The following SH3PXD2B variants were observed in gnomAD, a reference collection of about 807,000 sequenced individuals.
The protein encoded by SH3PXD2B is SH3 and PX domains 2B, also known as SH3 and PX domain-containing protein 2B.
In SH3PXD2B, 37 loss-of-function variants were observed where a neutral mutation model predicts 73.1. That is an observed-to-expected ratio of 0.51 (90% confidence interval 0.39 to 0.67). The LOEUF (loss-of-function observed/expected upper bound fraction) is 0.67. SH3PXD2B is among the 30% of genes least tolerant of loss of function. The pLI, the probability that SH3PXD2B is intolerant of heterozygous loss-of-function variation, is 0.00. For missense variants in SH3PXD2B, 1,053 were observed against 1,197.8 expected, an observed-to-expected ratio of 0.88 and a Z score of 1.78; for synonymous variants, 457 against 480.5, an observed-to-expected ratio of 0.95 and a Z score of 0.64.
At chr5:172,427,672 G>C (rs1759128963) in intron 1 of SH3PXD2B, among the ~76,000 whole-genome samples, 1 of 152,034 alleles carries the variant, frequency 6.6e-6, no homozygotes, top group African/African-American at 2.4e-5. Context: ...TTTAATGGGT[G>C]CAGAGTTTCA....
At chr5:172,447,432 C>T (rs1759693733) in intron 1 of SH3PXD2B, among the ~76,000 whole-genome samples, 1 of 152,182 alleles carries the variant, frequency 6.6e-6, no homozygotes, top group African/African-American at 2.4e-5. Flanking sequence ...TACTGATGCA[C>T]TTTTAAGTAG....
downstream of SH3PXD2B, among the ~76,000 whole-genome samples, chr5:172,330,706 G>A (rs547059985): frequency 6.6e-6 from 1 of 152,242 alleles, no homozygotes. Context: ...TTATAGATTC[G>A]GGAACTTATG....
rs754432714 is a variant in SH3PXD2B at position 172,398,882 on chromosome 5, G to A, written c.233-4243C>T. Among the ~76,000 whole-genome samples, 11 of 152,108 alleles carry A rather than the reference G, an allele frequency of 7.2e-5. No individual in the cohort carries two copies. The East Asian group carries it at 7.7e-4, about 11-fold the overall frequency. On this transcript the variant is annotated intron_variant, in intron 3 of 12. Coordinates refer to ENST00000311601, the MANE Select transcript of SH3PXD2B (RefSeq NM_001017995.3). ...AATTCCAGTTATCTAGAGTACAGCC[G>A]TTTCAGCCTTTTCAGCTTCTGGTTT...
At chr5:172,446,841 G>A (rs1759674227) in intron 1 of SH3PXD2B, among the ~76,000 whole-genome samples, 1 of 152,242 alleles carries the variant, frequency 6.6e-6, no homozygotes, top group African/African-American at 2.4e-5. Context: ...TGGACTTGCT[G>A]AGCAAGGAAC....
At chr5:172,434,779 A>G (rs1554087269) in intron 1 of SH3PXD2B, among the ~76,000 whole-genome samples, 2 of 67,956 alleles carry the variant, frequency 2.9e-5, no homozygotes, top group Non-Finnish European at 6.3e-5. Flanking sequence ...GCAATGGCCA[A>G]TGGTTTTTTT....
intron 10 of SH3PXD2B, among the ~76,000 whole-genome samples, chr5:172,348,156 T>C (rs1757037466): frequency 6.6e-6 from 1 of 152,204 alleles, no homozygotes; most frequent in South Asian, 2.1e-4. Context: ...TAGCTGTCTA[T>C]ATAGACTTCA....
intron 6 of SH3PXD2B, among the ~76,000 whole-genome samples, chr5:172,364,020 C>T (rs970520479): frequency 7.9e-5 from 12 of 152,168 alleles, no homozygotes; most frequent in African/African-American, 2.6e-4. Context: ...TAGGAGGGAA[C>T]GAAGTAGAGA....
At chr5:172,416,968 CA>C (rs1758841359) in intron 2 of SH3PXD2B, among the ~76,000 whole-genome samples, 1 of 152,100 alleles carries the variant, frequency 6.6e-6, no homozygotes, top group Admixed American at 6.5e-5. Flanking sequence ...CTCAGCCTCT[CA>C]AAGTGGTGGG....
intron 2 of SH3PXD2B, among the ~76,000 whole-genome samples, chr5:172,414,919 C>A (rs13166264): frequency 3.3e-5 from 5 of 152,098 alleles, no homozygotes; most frequent in African/African-American, 7.2e-5. Flanking sequence ...AATGCCCTCC[C>A]CCATTCGGTG....
chr5:172,336,663 T>C lies in SH3PXD2B; in HGVS notation c.*1706A>G, dbSNP rs750327062. ...CAAAAGTATCTCGCCTGATGAACAC[T>C]GTGAACTGGAGATCTCTGGGGCAGG... On this transcript the variant is annotated 3_prime_UTR_variant, in exon 13 of 13. Transcript: ENST00000311601. 11 of 969,464 alleles carry C rather than the reference T, an allele frequency of 1.1e-5. No homozygotes were observed. The Admixed American group carries it at 3.0e-4, about 27-fold the overall frequency. The allele number at this position is 969,464 out of a possible 1,614,324, so 60.1% of individuals were successfully genotyped here.
At chr5:172,416,632 T>A (rs1273078561) in intron 2 of SH3PXD2B, among the ~76,000 whole-genome samples, 4 of 37,798 alleles carry the variant, frequency 1.1e-4, no homozygotes, top group East Asian at 2.2e-3. Context: ...GGCCTCTACT[T>A]TTTTTTTTTT....
intron 3 of SH3PXD2B, among the ~76,000 whole-genome samples, chr5:172,403,997 C>A (rs972468188): frequency 1.3e-5 from 2 of 152,208 alleles, no homozygotes; most frequent in African/African-American, 4.8e-5. Context: ...CTGAAGCACA[C>A]GCTTTGGAGC....
chr5:172,406,778 C>T (rs1344474380), intron 2 of SH3PXD2B, among the ~76,000 whole-genome samples: 3 of 152,166 alleles, frequency 2.0e-5, no homozygotes, highest in Non-Finnish European at 2.9e-5. Flanking sequence ...ACTATATTCC[C>T]CTGACCCAGG....
At chr5:172,441,140 C>T (rs1366950911) in intron 1 of SH3PXD2B, among the ~76,000 whole-genome samples, 1 of 152,156 alleles carries the variant, frequency 6.6e-6, no homozygotes, top group Non-Finnish European at 1.5e-5. Context: ...TCATTTGTGT[C>T]CACTAAACTA....
chr5:172,350,698 G>T, intron 9 of SH3PXD2B, 109 bp from the exon 10 acceptor site: 2 of 1,068,542 alleles, frequency 1.9e-6, no homozygotes, highest in Non-Finnish European at 2.7e-6. Flanking sequence ...GGAACGACGG[G>T]TTGTGACTGC....
chr5:172,396,593 A>C (rs1758304596), intron 3 of SH3PXD2B, among the ~76,000 whole-genome samples: 1 of 151,352 alleles, frequency 6.6e-6, no homozygotes, highest in Non-Finnish European at 1.5e-5. Flanking sequence ...TAGACAAGGT[A>C]AATTTAAAAA....
intron 4 of SH3PXD2B, among the ~76,000 whole-genome samples, chr5:172,394,225 G>A (rs542312510): frequency 1.3e-5 from 2 of 152,334 alleles, no homozygotes; most frequent in Admixed American, 6.5e-5. Context: ...GATTATAGGC[G>A]TGAGCCACTG....
chr5:172,429,587 A>G (rs940792388), intron 1 of SH3PXD2B, among the ~76,000 whole-genome samples: 1 of 152,032 alleles, frequency 6.6e-6, no homozygotes, highest in Admixed American at 6.5e-5. Flanking sequence ...CACTTCCTCT[A>G]AGTCAGCGAG....
At chr5:172,372,711 A>C (rs1437994407) in intron 6 of SH3PXD2B, among the ~76,000 whole-genome samples, 1 of 152,216 alleles carries the variant, frequency 6.6e-6, no homozygotes, top group Non-Finnish European at 1.5e-5. Flanking sequence ...AGATTGCTAT[A>C]TCAACCCCAG....
Sources: allele counts gnomAD v4.1 joint callset (sites outside exome capture counted in the v4.1 genomes callset), GRCh38; gene constraint gnomAD v4.1.1; transcripts MANE v1.5; gene names NCBI Gene and HGNC (gene_info 2026-07-23, HGNC 2026-07-21).